Variants in PCDH11X observed in about 807,000 individuals in gnomAD.
PCDH11X encodes the protein protocadherin 11 X-linked.
In PCDH11X, 18 loss-of-function variants were observed where a neutral mutation model predicts 53.3. That is an observed-to-expected ratio of 0.34 (90% confidence interval 0.23 to 0.50). The LOEUF is 0.50. Ranked by LOEUF, PCDH11X falls within the 20% of genes least tolerant of loss-of-function variation. PCDH11X has a pLI of 0.98. For missense variants in PCDH11X, 570 were observed against 1,032.4 expected, an observed-to-expected ratio of 0.55 and a Z score of 6.14; for synonymous variants, 279 against 393.3, an observed-to-expected ratio of 0.71 and a Z score of 3.44.
At chrX:92,476,079 C>T (rs566734063) in intron 10 of PCDH11X, among the ~76,000 whole-genome samples, 1 of 111,247 alleles carries the variant, frequency 9.0e-6, no homozygotes, top group African/African-American at 3.3e-5. Context: ...TGGGGATGGG[C>T]TTTTCCCATG....
intron 6 of PCDH11X, among the ~76,000 whole-genome samples, chrX:91,957,267 G>A (rs5984135): frequency 0.015 from 1,629 of 109,990 alleles, 18 homozygotes; most frequent in Non-Finnish European, 0.023. Flanking sequence ...CAATTCAGCC[G>A]TCTCAGCTTC....
At chrX:92,216,701 ATGC>A (rs2066723841) in intron 7 of PCDH11X, among the ~76,000 whole-genome samples, 1 of 68,636 alleles carries the variant, frequency 1.5e-5, no homozygotes, top group African/African-American at 5.6e-5. Flanking sequence ...AATATAGAGA[ATGC>A]CACAAAGATA....
chrX:92,154,611 A>G (rs987997056), intron 6 of PCDH11X, among the ~76,000 whole-genome samples: 1 of 108,845 alleles, frequency 9.2e-6, no homozygotes, highest in African/African-American at 3.5e-5. Context: ...CCGAGACCCT[A>G]GTGGGCAGAC....
chrX:92,102,502 C>T (rs1056670477), intron 6 of PCDH11X, among the ~76,000 whole-genome samples: 23 of 111,192 alleles, frequency 2.1e-4, no homozygotes, highest in Middle Eastern at 4.7e-3. Flanking sequence ...TAATCGGACA[C>T]GATCAGCAGG....
chrX:92,565,753 T>A (rs1315381180), intron 10 of PCDH11X, among the ~76,000 whole-genome samples: 1 of 105,888 alleles, frequency 9.4e-6, no homozygotes, highest in African/African-American at 3.4e-5. Flanking sequence ...CAGTCAATAA[T>A]AATTTAATTG....
intron 10 of PCDH11X, among the ~76,000 whole-genome samples, chrX:92,509,341 G>A (rs1024181417): frequency 1.2e-4 from 13 of 110,566 alleles, no homozygotes; most frequent in Non-Finnish European, 1.3e-4. Flanking sequence ...ATCCTACAAT[G>A]ATTGACACTC....
At chrX:92,392,271 A>G (rs1448493227) in intron 9 of PCDH11X, among the ~76,000 whole-genome samples, 1 of 111,527 alleles carries the variant, frequency 9.0e-6, no homozygotes, top group Non-Finnish European at 1.9e-5. Flanking sequence ...CTAAAAAATT[A>G]TATGTTTAAA....
intron 7 of PCDH11X, among the ~76,000 whole-genome samples, chrX:92,244,726 A>C (rs751089604): frequency 1.8e-5 from 2 of 111,730 alleles, no homozygotes; most frequent in Admixed American, 1.9e-4. Context: ...GGAGTAATTA[A>C]GTAACTTTCC....
chrX:92,322,031 A>T (rs973469879), intron 8 of PCDH11X, among the ~76,000 whole-genome samples: 5 of 108,500 alleles, frequency 4.6e-5, no homozygotes, highest in Admixed American at 3.0e-4. Flanking sequence ...GCTGGTATAC[A>T]GCCTTTTAAA....
At chrX:92,412,028 T>C (rs865819480) in intron 9 of PCDH11X, among the ~76,000 whole-genome samples, 1 of 23,411 alleles carries the variant, frequency 4.3e-5, no homozygotes. Flanking sequence ...GGAGGAGGGG[T>C]GAGGAGGAGG....
At position 92,285,322 on chromosome X, in the gene PCDH11X, C is replaced by T. The variant is rs747891306; in HGVS notation, c.3144+22179C>T. 1.1e-4 allele frequency among the ~76,000 whole-genome samples: 11 copies of T among 100,498 alleles called. No homozygotes were observed. In the South Asian group the frequency reaches 4.9e-3, roughly 45 times the overall value. The allele number at this position is 100,498 out of a possible 115,157, so 87.3% of individuals were successfully genotyped here. A position where few individuals can be genotyped will look rare whatever the true frequency, so the allele number is the denominator to read the frequency against. Reference sequence around the variant, plus strand: ...AGGCTGGAGTGCAATGGCGCGATCTCGGCTCACCGCAAACTCCGCCTCCAG... The same window carrying T: ...AGGCTGGAGTGCAATGGCGCGATCTTGGCTCACCGCAAACTCCGCCTCCAG... On this transcript the variant is annotated intron_variant, in intron 8 of 10. Coordinates refer to ENST00000682573, the MANE Select transcript of PCDH11X (RefSeq NM_032968.5).
chrX:92,321,328 A>G (rs774268848), intron 8 of PCDH11X, among the ~76,000 whole-genome samples: 85 of 107,288 alleles, frequency 7.9e-4, no homozygotes, highest in African/African-American at 2.6e-3. Flanking sequence ...GAGTAGCTGG[A>G]ACTACAGGCG....
In PCDH11X at chrX:91,992,777, G is replaced by A. The variant is rs757696853; in HGVS notation, c.3033+113504G>A. Reference sequence around the variant, plus strand: ...TTTGGACTCTCAACAGCCTTATGGGGCAATTATTTTTATTATTTCTATATT... The same window carrying A: ...TTTGGACTCTCAACAGCCTTATGGGACAATTATTTTTATTATTTCTATATT... On this transcript the variant is annotated intron_variant, in intron 6 of 10. Transcript: ENST00000682573. Among the ~76,000 whole-genome samples the A allele has an allele frequency of 5.5e-5, 6 of 109,033 alleles. No homozygotes were observed. In the South Asian group the frequency reaches 2.0e-3, roughly 37 times the overall value. The allele number at this position is 109,033 out of a possible 115,157, so 94.7% of individuals were successfully genotyped here.
chrX:92,017,538 A>AG (rs1164147218), intron 6 of PCDH11X, among the ~76,000 whole-genome samples: 8 of 105,830 alleles, frequency 7.6e-5, no homozygotes, highest in African/African-American at 2.8e-4. Context: ...GTCTCTATAA[A>AG]AAAAAAAAAA....
intron 8 of PCDH11X, among the ~76,000 whole-genome samples, chrX:92,279,337 G>A (rs1401226323): frequency 4.5e-5 from 5 of 112,085 alleles, no homozygotes; most frequent in Non-Finnish European, 7.5e-5. Context: ...TTCAAACGAT[G>A]CATCTCTTTA....
At chrX:92,011,225 C>T (rs756087201) in intron 6 of PCDH11X, among the ~76,000 whole-genome samples, 22 of 111,591 alleles carry the variant, frequency 2.0e-4, no homozygotes, top group Non-Finnish European at 4.1e-4. Flanking sequence ...ATTTATATTT[C>T]TTTGGGTATA....
chrX:92,509,666 CAT>C (rs2074129394), intron 10 of PCDH11X, among the ~76,000 whole-genome samples: 1 of 111,472 alleles, frequency 9.0e-6, no homozygotes, highest in African/African-American at 3.3e-5. Flanking sequence ...GGCAACATGA[CAT>C]ATGTGGGGAA....
chrX:92,418,805 G>T (rs781736718), intron 9 of PCDH11X, among the ~76,000 whole-genome samples: 1 of 104,140 alleles, frequency 9.6e-6, no homozygotes, highest in South Asian at 4.5e-4. Context: ...GATTGTATTT[G>T]CTGTTCTTCA....
chrX:92,099,625 T>C (rs2064203337), intron 6 of PCDH11X, among the ~76,000 whole-genome samples: 1 of 111,957 alleles, frequency 8.9e-6, no homozygotes, highest in Non-Finnish European at 1.9e-5. Flanking sequence ...GTGCAGGTTT[T>C]GGCCCATAGA....
Sources: allele counts gnomAD v4.1 joint callset (sites outside exome capture counted in the v4.1 genomes callset), GRCh38; gene constraint gnomAD v4.1.1; transcripts MANE v1.5; gene names NCBI Gene and HGNC (gene_info 2026-07-23, HGNC 2026-07-21).